TJP1: variants seen among roughly 807,000 people sequenced by gnomAD.
TJP1 encodes tight junction protein ZO-1.
In TJP1, 43 loss-of-function variants were observed where a neutral mutation model predicts 194.2. That is an observed-to-expected ratio of 0.22 (90% CI 0.17 to 0.29). The LOEUF (loss-of-function observed/expected upper bound fraction) is 0.29, where lower values mean the gene tolerates loss of function less well. Among genes scored for constraint, TJP1 ranks in the 10% least tolerant of loss-of-function variants. TJP1 has a pLI of 1.00. For missense variants in TJP1, 1,971 were observed against 2,185.7 expected, an observed-to-expected ratio of 0.90 and a Z score of 1.96; for synonymous variants, 801 against 779.0, an observed-to-expected ratio of 1.03 and a Z score of -0.47.
intron 1 of TJP1, chr15:29,821,280 T>C (rs1412661393): frequency 6.6e-6 from 1 of 152,240 alleles, no homozygotes; most frequent in African/African-American, 2.4e-5. Context: ...GTTACTTTTT[T>C]CGGCTGAACT....
At chr15:29,950,740 C>T (rs1194315492) in intron 2 of TJP1, among the ~76,000 whole-genome samples, 1 of 152,190 alleles carries the variant, frequency 6.6e-6, no homozygotes, top group Non-Finnish European at 1.5e-5. Context: ...CAGCTCCCTT[C>T]TCACCAGCCA....
chr15:29,959,938 A>G (rs1179679592), intron 1 of TJP1, among the ~76,000 whole-genome samples: 1 of 152,192 alleles, frequency 6.6e-6, no homozygotes, highest in Non-Finnish European at 1.5e-5. Flanking sequence ...CATGAAAACA[A>G]TGAACTTTAT....
At chr15:29,803,848 C>T (rs773649917) in intron 1 of TJP1, among the ~76,000 whole-genome samples, 1 of 151,920 alleles carries the variant, frequency 6.6e-6, no homozygotes. Flanking sequence ...GAAAAGTCCA[C>T]ATCTCAAAAA....
intron 2 of TJP1, among the ~76,000 whole-genome samples, chr15:29,850,705 G>T (rs1212612617): frequency 2.0e-5 from 3 of 152,054 alleles, no homozygotes; most frequent in Admixed American, 6.5e-5. Context: ...AAATAGGCTG[G>T]GCACAGTGGC....
At chr15:29,741,668 ATTCT>A (rs2044429741) in intron 9 of TJP1, among the ~76,000 whole-genome samples, 1 of 152,336 alleles carries the variant, frequency 6.6e-6, no homozygotes, top group Non-Finnish European at 1.5e-5. Flanking sequence ...TGAAAAATCT[ATTCT>A]TTAAGAACGA....
At chr15:29,805,478 C>T (rs2049050053) in intron 1 of TJP1, among the ~76,000 whole-genome samples, 1 of 152,186 alleles carries the variant, frequency 6.6e-6, no homozygotes, top group African/African-American at 2.4e-5. Flanking sequence ...AAATACACAG[C>T]CAGTTAAATT....
At chr15:29,878,852 C>T (rs1440609131) in intron 2 of TJP1, among the ~76,000 whole-genome samples, 1 of 152,052 alleles carries the variant, frequency 6.6e-6, no homozygotes, top group Non-Finnish European at 1.5e-5. Context: ...TGGCCGGGCG[C>T]GGTGGCTCAT....
In TJP1 at chr15:29,732,654, T is replaced by A; in HGVS notation, c.1898A>T (p.Tyr633Phe). The change falls in exon 14 of 28, where the codon TAT becomes TTT. Residue 633 changes from tyrosine to phenylalanine, a missense_variant. Physicochemically the swap from Tyr to Phe is conservative, Grantham distance 22 (BLOSUM62 3). This residue lies in a region of TJP1 where 402 missense variants were observed against 484.2 expected (regional missense o/e 0.83). Coordinates refer to ENST00000614355, the MANE Select transcript of TJP1 (RefSeq NM_001330239.4). ...ACCTTCTCGAAGAACCACTCTTTCATAAGCTGGAAACTTTGTTTGAACAGG... is the reference window on the plus strand; with the variant it reads ...ACCTTCTCGAAGAACCACTCTTTCAAAAGCTGGAAACTTTGTTTGAACAGG... ...AQPVQTKFPA[Y>F]ERVVLREAGF... 1 of 1,614,164 alleles carries A rather than the reference T, an allele frequency of 6.2e-7. No homozygotes were observed. Among genetic ancestry groups the A allele is most frequent in the African/African-American group, 1.3e-5 (1 of 75,064 alleles).
chr15:29,744,975 T>A (rs1188921598), intron 8 of TJP1, among the ~76,000 whole-genome samples: 1 of 152,124 alleles, frequency 6.6e-6, no homozygotes. Context: ...ATTTCAAGGG[T>A]GCAAGATTAG....
chr15:29,845,058 T>C (rs1321399389), intron 2 of TJP1, among the ~76,000 whole-genome samples: 1 of 152,168 alleles, frequency 6.6e-6, no homozygotes, highest in Non-Finnish European at 1.5e-5. Flanking sequence ...CAAATGCTAT[T>C]GTTAGGCTAA....
rs1236373395 is a variant in TJP1 at position 29,732,798 on chromosome 15, C to G, written c.1754G>C (p.Ser585Thr). Residue 585 changes from serine (S) to threonine (T), a missense_variant, in exon 14 of 28, where the codon AGT (serine) becomes ACT (threonine). Physicochemically the swap from Ser to Thr is moderately conservative, Grantham distance 58. This residue lies in a region of TJP1 where 402 missense variants were observed against 484.2 expected (regional missense o/e 0.83). Transcript: ENST00000614355. ...PNKNRAEQLA[S>T]VQYTLPKTAG... ...TGTTTTTGGAAGTGTATACTGTACA[C>G]TGGCTAGCTGCTCAGCTCTACACAA... 1 of 1,593,786 alleles carries G rather than the reference C, an allele frequency of 6.3e-7. No homozygotes were observed. Among genetic ancestry groups the G allele is most frequent in the Non-Finnish European group, 8.5e-7 (1 of 1,172,710 alleles).
chr15:29,959,908 C>T (rs908173263), intron 1 of TJP1, among the ~76,000 whole-genome samples: 3 of 152,122 alleles, frequency 2.0e-5, no homozygotes, highest in Non-Finnish European at 4.4e-5. Context: ...TTGTTCTCTT[C>T]TCCACAGGGT....
At chr15:29,794,250 C>T (rs1376146745) in intron 2 of TJP1, among the ~76,000 whole-genome samples, 2 of 152,138 alleles carry the variant, frequency 1.3e-5, no homozygotes, top group East Asian at 1.9e-4. Context: ...GTCATAGTCT[C>T]TCTGTGATGA....
intron 2 of TJP1, among the ~76,000 whole-genome samples, chr15:29,949,517 T>A (rs904577360): frequency 6.1e-3 from 126 of 20,612 alleles, no homozygotes; most frequent in East Asian, 8.8e-3. Flanking sequence ...CACCTCCACC[T>A]CCACCACCAC....
In TJP1 at chr15:29,891,114, C is replaced by T. The variant is rs373181726; in HGVS notation, c.306+65118G>A. ...TCAGGAGCTGGAAGCTCAAATCCCC[C>T]TTCTTCCATGCAATACTCTGAAACC... is the stretch of plus-strand genomic sequence containing the variant. On this transcript the variant is annotated intron_variant, in intron 2 of 28. Transcript: ENST00000356107. Among the ~76,000 whole-genome samples the T allele has an allele frequency of 6.0e-4, 92 of 152,340 alleles. No individual in the cohort carries two copies. The South Asian group carries it at 0.019, about 31-fold the overall frequency.
chr15:29,968,541 G>A (rs1264865630), intron 1 of TJP1: 3 of 801,922 alleles, frequency 3.7e-6, no homozygotes, highest in East Asian at 1.3e-4. Flanking sequence ...GCGTCCCGTC[G>A]GGCCCGACAG....
chr15:29,802,767 GCT>G (rs1370255877), intron 1 of TJP1, among the ~76,000 whole-genome samples: 10 of 152,124 alleles, frequency 6.6e-5, no homozygotes, highest in Admixed American at 5.9e-4. Flanking sequence ...TGCTTGCATA[GCT>G]CTCAGTTCAT....
intron 2 of TJP1, among the ~76,000 whole-genome samples, chr15:29,898,174 G>A (rs1053577753): frequency 6.6e-6 from 1 of 152,182 alleles, no homozygotes; most frequent in Non-Finnish European, 1.5e-5. Context: ...GTGATTGAAT[G>A]ATGGGGGTGG....
At chr15:29,724,877 A>C (rs1002221853) in intron 18 of TJP1, among the ~76,000 whole-genome samples, 7 of 152,220 alleles carry the variant, frequency 4.6e-5, no homozygotes, top group African/African-American at 1.7e-4. Flanking sequence ...CCAAGCAAAG[A>C]AAGCACACAA....
Sources: allele counts gnomAD v4.1 joint callset (sites outside exome capture counted in the v4.1 genomes callset), GRCh38; gene constraint gnomAD v4.1.1; regional missense constraint gnomAD v4.1.1; transcripts MANE v1.5; gene names NCBI Gene and HGNC (gene_info 2026-07-23, HGNC 2026-07-21).